LUZP4: variants seen among roughly 807,000 people sequenced by gnomAD.
LUZP4 encodes the protein HOM-TES-85 tumor antigen.
In LUZP4, 11 loss-of-function variants were observed where a neutral mutation model predicts 8.5. The observed-to-expected ratio is 1.30, with a 90% CI of 0.82 to 2.14. LUZP4 has a LOEUF of 2.14. Ranked by LOEUF, LUZP4 falls within the 30% of genes most tolerant of loss-of-function variation. The pLI is 0.00. For synonymous variants in LUZP4, 104 were observed against 79.4 expected, an observed-to-expected ratio of 1.31 and a Z score of -1.65; for missense variants, 276 against 229.7, an observed-to-expected ratio of 1.20 and a Z score of -1.30.
intron 3 of LUZP4, among the ~76,000 whole-genome samples, chrX:115,303,659 G>A (rs1180216056): frequency 9.0e-6 from 1 of 111,394 alleles, no homozygotes; most frequent in South Asian, 3.7e-4. Context: ...TTTATAAAAC[G>A]CCAAAATAGA....
chrX:115,294,188 A>T (rs1045737823), intron 1 of LUZP4, among the ~76,000 whole-genome samples: 3 of 111,691 alleles, frequency 2.7e-5, no homozygotes, highest in South Asian at 7.5e-4. Context: ...TGTTGATTTC[A>T]CTGATGTTTT....
chrX:115,302,970 C>T (rs1456642365), intron 2 of LUZP4, among the ~76,000 whole-genome samples: 1 of 112,179 alleles, frequency 8.9e-6, no homozygotes, highest in Non-Finnish European at 1.9e-5. Flanking sequence ...TAATACAAAG[C>T]AGACAATTTC....
At position 115,303,430 on chromosome X, in the gene LUZP4, C is replaced by T. The variant is rs782520099; in HGVS notation, c.342+12C>T. On this transcript the variant is annotated intron_variant, in intron 3 of 3. Coordinates refer to ENST00000371920, the MANE Select transcript of LUZP4 (RefSeq NM_016383.5). ...CTTTAATTGAGCAGGTAGATAAGTA[C>T]CAAGAATTAACCAATATTAAAAATC... is the stretch of plus-strand genomic sequence containing the variant. 289 of 926,908 alleles carry T rather than the reference C, an allele frequency of 3.1e-4. 2 individuals are homozygous for T. The East Asian group carries it at 9.2e-3, about 30-fold the overall frequency. The allele number at this position is 926,908 out of a possible 1,213,427, so 76.4% of individuals were successfully genotyped here.
Position 115,302,002 on chromosome X carries a change from A to C in LUZP4, c.102A>C (p.Ile34=), listed in dbSNP as rs1556601728. 3.5e-6 allele frequency: 4 copies of C among 1,146,360 alleles called. No individual in the cohort carries two copies. The South Asian group carries it at 8.0e-5, about 23-fold the overall frequency. The allele number at this position is 1,146,360 out of a possible 1,213,427, so 94.5% of individuals were successfully genotyped here. A position where few individuals can be genotyped will look rare whatever the true frequency, so the allele number is the denominator to read the frequency against. The part of the protein sequence containing the change: ...NFLDMSLDDI[I]IYKELEGTNA... ...TATTTTCTAATACAGACGACATTAT[A>C]ATCTATAAAGAGTTAGAAGGGACAA... is the stretch of plus-strand genomic sequence containing the variant. Residue 34 remains isoleucine, a synonymous_variant, in exon 2 of 4, where the codon ATA becomes ATC. Transcript: ENST00000371920.
intron 1 of LUZP4, among the ~76,000 whole-genome samples, chrX:115,290,786 G>GGTGTGT (rs782661212): frequency 5.5e-5 from 6 of 108,172 alleles, no homozygotes; most frequent in Non-Finnish European, 9.6e-5. Flanking sequence ...TTTAGTTAGG[G>GGTGTGT]GTGTGTGTGT....
At position 115,306,939 on chromosome X, in the gene LUZP4, A is replaced by G; in HGVS notation, c.*135A>G. The stretch of plus-strand genomic sequence containing the variant: ...ATTAGAATGGAGGTAATACATACAT[A>G]GTATCAATATTGTTTCAACTTGATG... On this transcript the variant is annotated 3_prime_UTR_variant, in exon 4 of 4. Transcript: ENST00000371920. 1.7e-6 allele frequency: 1 copy of G among 587,326 alleles called. No individual in the cohort carries two copies. Among genetic ancestry groups the G allele is most frequent in the South Asian group, 3.0e-5 (1 of 33,510 alleles). The allele number at this position is 587,326 out of a possible 1,213,427, so 48.4% of individuals were successfully genotyped here.
At chrX:115,290,497 G>A (rs2073344202) in intron 1 of LUZP4, among the ~76,000 whole-genome samples, 1 of 111,390 alleles carries the variant, frequency 9.0e-6, no homozygotes. Context: ...CACGGAGAGT[G>A]GAACCTTAGA....
intron 3 of LUZP4, among the ~76,000 whole-genome samples, chrX:115,304,765 C>A (rs1556603099): frequency 2.8e-5 from 3 of 108,863 alleles, no homozygotes; most frequent in African/African-American, 6.7e-5. Flanking sequence ...ACTTTTGAAA[C>A]TTTTGAGACT....
intron 1 of LUZP4, among the ~76,000 whole-genome samples, chrX:115,299,725 T>TTGGA (rs782766642): frequency 1.7e-3 from 187 of 110,840 alleles, no homozygotes; most frequent in African/African-American, 6.0e-3. Context: ...TCCAGAAGTG[T>TTGGA]TATCCAAGAG....
At chrX:115,292,232 C>T (rs1203149508) in intron 1 of LUZP4, among the ~76,000 whole-genome samples, 2 of 112,254 alleles carry the variant, frequency 1.8e-5, no homozygotes, top group East Asian at 5.6e-4. Context: ...TGAGAGTTTT[C>T]TAGTTTTAAC....
rs782327243 is a variant in LUZP4 at position 115,302,087 on chromosome X, C to G, written c.187C>G (p.Gln63Glu). 5.9e-6 allele frequency: 7 copies of G among 1,195,649 alleles called. No homozygotes were observed. The highest frequency in any genetic ancestry group is 7.9e-6 in the Non-Finnish European group (7 of 888,876). Residue 63 changes from glutamine (Q) to glutamate (E), a missense_variant, in exon 2 of 4, where the codon CAG becomes GAG. Gln to Glu is a conservative substitution (Grantham distance 29). Coordinates refer to ENST00000371920, the MANE Select transcript of LUZP4 (RefSeq NM_016383.5). ...NHSKKESPSRQQSKAHRHRHR... is the reference protein window; with the variant it reads ...NHSKKESPSREQSKAHRHRHR... ...TAGTAAAAAGGAATCGCCTTCAAGA[C>G]AGCAATCAAAAGCTCATAGACATCG...
chrX:115,302,116 T>C lies in LUZP4; in HGVS notation c.216T>C (p.His72=). ...AATCAAAAGCTCATAGACATCGCCA[T>C]CGGAGAGGTAAAGTATGCTGAAAAT... ...RQQSKAHRHR[H]RRGYSRCRSN... The change falls in exon 2 of 4, where the codon CAT becomes CAC. Residue 72 remains histidine, a synonymous_variant. Transcript: ENST00000371920. 8.4e-7 allele frequency: 1 copy of C among 1,186,533 alleles called. No homozygotes were observed. The highest frequency in any genetic ancestry group is 1.8e-5 in the African/African-American group (1 of 56,434).
At chrX:115,300,970 G>T (rs782764856) in intron 1 of LUZP4, among the ~76,000 whole-genome samples, 5 of 110,538 alleles carry the variant, frequency 4.5e-5, no homozygotes, top group African/African-American at 1.6e-4. Context: ...CTGGGGGGAC[G>T]ATCGGTGGAG....
intron 1 of LUZP4, among the ~76,000 whole-genome samples, chrX:115,292,222 T>C (rs895498390): frequency 8.9e-6 from 1 of 112,686 alleles, no homozygotes; most frequent in African/African-American, 3.2e-5. Flanking sequence ...TGTTTCCTTC[T>C]GAGAGTTTTC....
intron 2 of LUZP4, 34 bp from the exon 3 acceptor site, chrX:115,303,266 A>T: frequency 1.3e-6 from 1 of 791,172 alleles, no homozygotes; most frequent in Non-Finnish European, 1.9e-6. Context: ...TGAATTTACT[A>T]CTTGAAAATA....
rs782451892 is a variant in LUZP4 at position 115,295,919 on chromosome X, CA to C, written c.91+6070del. On this transcript the variant is annotated intron_variant, in intron 1 of 3. Coordinates refer to ENST00000371920, the MANE Select transcript of LUZP4 (RefSeq NM_016383.5). Reference sequence around the variant, plus strand: ...TGTATTCTGTGCTAGGCACTTAGTACACTAGTAAATAAACAGTGGTCTCTTC... The same window carrying C: ...TGTATTCTGTGCTAGGCACTTAGTACCTAGTAAATAAACAGTGGTCTCTTC... Among the ~76,000 whole-genome samples, 15 of 112,148 alleles carry C rather than the reference CA, an allele frequency of 1.3e-4. No individual in the cohort carries two copies. The South Asian group carries it at 4.1e-3, about 30-fold the overall frequency.
intron 1 of LUZP4, among the ~76,000 whole-genome samples, chrX:115,294,719 T>G (rs1168907367): frequency 7.2e-5 from 8 of 111,701 alleles, no homozygotes; most frequent in African/African-American, 2.6e-4. Flanking sequence ...GTAAACGGAC[T>G]TAGGAGGCAC....
At chrX:115,303,063 A>G (rs2073404807) in intron 2 of LUZP4, among the ~76,000 whole-genome samples, 1 of 111,554 alleles carries the variant, frequency 9.0e-6, no homozygotes, top group African/African-American at 3.3e-5. Context: ...ATATGAAACC[A>G]AAATTGACGT....
chrX:115,306,755 C>G lies in LUZP4; in HGVS notation c.893C>G (p.Ser298Ter), dbSNP rs1011193468. The change falls in exon 4 of 4, where the codon TCA becomes TGA. Residue 298 changes from serine to a stop codon, truncating the protein, a stop_gained. Coordinates refer to ENST00000371920, the MANE Select transcript of LUZP4 (RefSeq NM_016383.5). LOFTEE classifies it low-confidence loss of function (END_TRUNC). Reference protein sequence around the residue: ...INQSGRSHGQSERHQRYSTGK... With the variant: ...INQSGRSHGQ ...CAGTCAGGGAGATCTCATGGCCAAT[C>G]AGAAAGACATCAGAGATACTCAACA... 2 of 1,208,966 alleles carry G rather than the reference C, an allele frequency of 1.7e-6. No homozygotes were observed. Among genetic ancestry groups the G allele is most frequent in the African/African-American group, 3.5e-5 (2 of 57,729 alleles).
Sources: allele counts gnomAD v4.1 joint callset (sites outside exome capture counted in the v4.1 genomes callset), GRCh38; gene constraint gnomAD v4.1.1; transcripts MANE v1.5; gene names NCBI Gene and HGNC (gene_info 2026-07-23, HGNC 2026-07-21).